EXPH5: variants seen among roughly 807,000 people sequenced by gnomAD.
EXPH5 encodes the protein exophilin 5.
In EXPH5, 42 loss-of-function variants were observed where a neutral mutation model predicts 41.1. The ratio of observed to expected loss-of-function variants is 1.02; its 90% CI spans 0.80 to 1.32. The LOEUF is 1.32. EXPH5 is among the 40% of genes most tolerant of loss of function. EXPH5 has a pLI of 0.00. For synonymous variants in EXPH5, 798 were observed against 833.5 expected, an observed-to-expected ratio of 0.96 and a Z score of 0.73; for missense variants, 2,298 against 2,314.5, an observed-to-expected ratio of 0.99 and a Z score of 0.15.
At chr11:108,579,255 C>T (rs987882363) in intron 1 of EXPH5, among the ~76,000 whole-genome samples, 3 of 150,670 alleles carry the variant, frequency 2.0e-5, no homozygotes, top group Non-Finnish European at 4.4e-5. Context: ...GCTTTTTTGA[C>T]ATCTATTAAA....
At position 108,514,563 on chromosome 11, in the gene EXPH5, G is replaced by C; in HGVS notation, c.944C>G (p.Thr315Ser). Residue 315 changes from threonine to serine, a missense_variant, in exon 6 of 6, where the codon ACT becomes AGT. Coordinates refer to ENST00000265843, the MANE Select transcript of EXPH5 (RefSeq NM_015065.3). ...VFKEDYVQKNTFGSTSLCFDS... is the reference protein window; with the variant it reads ...VFKEDYVQKNSFGSTSLCFDS... ...AAAACACAGCGAAGTACTGCCAAAAGTATTCTTTTGCACATAATCTTCTTT... is the reference window on the plus strand; with the variant it reads ...AAAACACAGCGAAGTACTGCCAAAACTATTCTTTTGCACATAATCTTCTTT... 3 of 1,614,028 alleles carry C rather than the reference G, an allele frequency of 1.9e-6. No individual in the cohort carries two copies. The highest frequency in any genetic ancestry group is 2.5e-6 in the Non-Finnish European group (3 of 1,179,954).
At position 108,513,273 on chromosome 11, in the gene EXPH5, G is replaced by A. The variant is rs1173957245; in HGVS notation, c.2234C>T (p.Pro745Leu). ...GCTCTTGGCTGAGTCCTGGGATAAG[G>A]GATTTTGAAAATCAGGTAAAGAGTT... ...ISNSLPDFQN[P>L]LSQDSAKSNG... Residue 745 changes from proline to leucine, a missense_variant, in exon 6 of 6, where the codon CCC becomes CTC. Pro to Leu is a moderately conservative substitution (Grantham distance 98, BLOSUM62 -3). Coordinates refer to ENST00000265843, the MANE Select transcript of EXPH5 (RefSeq NM_015065.3). 6 of 1,612,022 alleles carry A rather than the reference G, an allele frequency of 3.7e-6. No individual in the cohort carries two copies. The highest frequency in any genetic ancestry group is 1.3e-5 in the African/African-American group (1 of 74,864).
chr11:108,589,976 G>A (rs781069633), intron 1 of EXPH5, among the ~76,000 whole-genome samples: 10 of 152,086 alleles, frequency 6.6e-5, no homozygotes, highest in African/African-American at 1.7e-4. Context: ...GTTAGCTGTC[G>A]TTATTACCAC....
At chr11:108,593,873 C>T (rs1591766852), upstream of EXPH5, 24 of 813,742 alleles carry the variant, frequency 2.9e-5, no homozygotes, top group South Asian at 2.9e-4. Context: ...CTCGTCCCCT[C>T]CCTCGTCCCC....
In EXPH5 at chr11:108,546,213, G is replaced by A. The variant is rs562300963; in HGVS notation, c.120-4401C>T. Among the ~76,000 whole-genome samples the A allele has an allele frequency of 1.3e-4, 20 of 152,092 alleles. No homozygotes were observed. The South Asian group carries it at 4.1e-3, about 32-fold the overall frequency. On this transcript the variant is annotated intron_variant, in intron 1 of 5. Transcript: ENST00000265843. ...GCCACTGTTAGATAACGTAGCATTA[G>A]GCGTAGGGTTCTGCAATTTGGTGTT... is the stretch of plus-strand genomic sequence containing the variant.
chr11:108,513,561 G>A lies in EXPH5; in HGVS notation c.1946C>T (p.Pro649Leu), dbSNP rs2093699386. 6.2e-7 allele frequency: 1 copy of A among 1,614,166 alleles called. No individual in the cohort carries two copies. Among genetic ancestry groups the A allele is most frequent in the Non-Finnish European group, 8.5e-7 (1 of 1,180,028 alleles). Residue 649 changes from proline to leucine, a missense_variant, in exon 6 of 6, where the codon CCC becomes CTC. Transcript: ENST00000265843. The stretch of plus-strand genomic sequence containing the variant: ...AAAAATTTTCTGCAAAGTGACTGTG[G>A]GATTCTGCAAGTTGGGACTCTGAGG... The part of the protein sequence containing the change: ...RNPQSPNLQN[P>L]TVTLQKIFPN...
At chr11:108,535,959 C>T (rs1463489282) in intron 3 of EXPH5, among the ~76,000 whole-genome samples, 3 of 152,100 alleles carry the variant, frequency 2.0e-5, no homozygotes, top group East Asian at 1.9e-4. Flanking sequence ...TGTGAGATTA[C>T]GAAGTTACTG....
In EXPH5 at chr11:108,511,537, G is replaced by A. The variant is rs371260617; in HGVS notation, c.3970C>T (p.Leu1324Phe). The A allele has an allele frequency of 3.7e-6, 6 of 1,609,800 alleles. No individual in the cohort carries two copies. The African/African-American group carries it at 6.7e-5, about 18-fold the overall frequency. The change falls in exon 6 of 6, where the codon CTC (leucine) becomes TTC (phenylalanine). Residue 1324 changes from leucine (L) to phenylalanine (F), a missense_variant. By Grantham distance (22) the Leu-to-Phe change is conservative. Transcript: ENST00000265843. ...LKMSVNSDQT[L>F]TTENMTAFRL... is the part of the protein sequence containing the mutation. ...AAGGCAGTCATATTTTCAGTGGTGA[G>A]CGTCTGATCAGAGTTGACGGACATC... is the stretch of plus-strand genomic sequence containing the variant.
intron 2 of EXPH5, among the ~76,000 whole-genome samples, chr11:108,540,309 T>C (rs1334458681): frequency 6.6e-6 from 1 of 151,972 alleles, no homozygotes; most frequent in Non-Finnish European, 1.5e-5. Flanking sequence ...TGTGACAGAG[T>C]GAGACTCCAT....
intron 1 of EXPH5, among the ~76,000 whole-genome samples, chr11:108,546,038 C>T (rs1482574721): frequency 1.3e-5 from 2 of 151,900 alleles, no homozygotes; most frequent in Admixed American, 1.3e-4. Flanking sequence ...GCCAAAGGGT[C>T]GTGGCAGAAG....
Position 108,528,172 on chromosome 11 carries a change from A to G in EXPH5, c.456T>C (p.His152=), listed in dbSNP as rs116202177. The G allele has an allele frequency of 1.2e-3, 1,975 of 1,610,526 alleles. 22 individuals are homozygous for G. The African/African-American group carries it at 0.023, about 19-fold the overall frequency. ...PSLGQKGCDG[H]AGPPMPVRGA... ...CCCTCACAGGCATAGGAGGTCCTGCATGGCCATCACATCTGTGGAAATAAT... is the reference window on the plus strand; with the variant it reads ...CCCTCACAGGCATAGGAGGTCCTGCGTGGCCATCACATCTGTGGAAATAAT... The change falls in exon 4 of 6, where the codon CAT becomes CAC. Residue 152 remains histidine, a synonymous_variant. Coordinates refer to ENST00000265843, the MANE Select transcript of EXPH5 (RefSeq NM_015065.3).
At chr11:108,571,613 C>T (rs1172526683) in intron 1 of EXPH5, among the ~76,000 whole-genome samples, 1 of 152,122 alleles carries the variant, frequency 6.6e-6, no homozygotes, top group Non-Finnish European at 1.5e-5. Context: ...TGAAGGGGAG[C>T]TCCCAAGGGC....
In EXPH5 at chr11:108,551,776, T is replaced by C. The variant is rs191411070; in HGVS notation, c.120-9964A>G. On this transcript the variant is annotated intron_variant, in intron 1 of 5. Coordinates refer to ENST00000265843, the MANE Select transcript of EXPH5 (RefSeq NM_015065.3). ...CCAATTACATCAAATCCTGTGAAAG[T>C]GACTTTGTCCTTTGATTTGCAGATC... is the stretch of plus-strand genomic sequence containing the variant. Among the ~76,000 whole-genome samples the C allele has an allele frequency of 7.9e-5, 12 of 152,268 alleles. 1 individual carries two copies. Among genetic ancestry groups the C allele is most frequent in the Non-Finnish European group, 1.8e-4 (12 of 68,030 alleles).
chr11:108,596,926 G>A (rs534211309), upstream of EXPH5, among the ~76,000 whole-genome samples: 19 of 152,312 alleles, frequency 1.2e-4, no homozygotes, highest in South Asian at 1.9e-3. Context: ...TTATTTAGCC[G>A]GAGGCAAGCA....
rs1295788281 is a variant in EXPH5, at chr11:108,583,612, G to A, written c.119+9806C>T. 4.6e-5 allele frequency among the ~76,000 whole-genome samples: 7 copies of A among 151,448 alleles called. No homozygotes were observed. The South Asian group carries it at 6.3e-4, about 14-fold the overall frequency. ...CGAGGCGGGTGGATCACTTGAGCCC[G>A]GGAGGTGGAGACCAGTCTGGCCAAC... On this transcript the variant is annotated intron_variant, in intron 1 of 5. Transcript: ENST00000265843.
chr11:108,587,327 G>A lies in EXPH5; in HGVS notation c.119+6091C>T, dbSNP rs552808178. Among the ~76,000 whole-genome samples, 234 of 152,172 alleles carry A rather than the reference G, an allele frequency of 1.5e-3. 3 individuals carry two copies. Among genetic ancestry groups the A allele is most frequent in the Non-Finnish European group, 1.0e-3 (68 of 68,034 alleles). On this transcript the variant is annotated intron_variant, in intron 1 of 5. Coordinates refer to ENST00000265843, the MANE Select transcript of EXPH5 (RefSeq NM_015065.3). ...GTTTAAGACCATCTGTGCTAATGAG[G>A]AATGAAAGTATTTTCTGACTAACCT...
the EXPH5 span, among the ~76,000 whole-genome samples, chr11:108,600,391 G>A: frequency 6.6e-6 from 1 of 152,036 alleles, no homozygotes; most frequent in East Asian, 1.9e-4. Context: ...GTTTATTAAT[G>A]TATTTGGATT....
the EXPH5 span, among the ~76,000 whole-genome samples, chr11:108,599,323 T>G: frequency 6.6e-6 from 1 of 152,232 alleles, no homozygotes; most frequent in Non-Finnish European, 1.5e-5. Flanking sequence ...ATTCAAGGAC[T>G]GTTTCCATAT....
intron 1 of EXPH5, among the ~76,000 whole-genome samples, chr11:108,592,115 T>C (rs1280780713): frequency 6.6e-6 from 1 of 152,104 alleles, no homozygotes; most frequent in Admixed American, 6.6e-5. Context: ...TGCACGTGGG[T>C]GTGTGTGGGT....
Sources: allele counts gnomAD v4.1 joint callset (sites outside exome capture counted in the v4.1 genomes callset), GRCh38; gene constraint gnomAD v4.1.1; transcripts MANE v1.5; gene names NCBI Gene and HGNC (gene_info 2026-07-23, HGNC 2026-07-21).